Variants in LDLRAD4 observed in about 807,000 individuals in gnomAD.
The protein encoded by LDLRAD4 is low density lipoprotein receptor class A domain containing 4.
Under a neutral mutation model 17.0 loss-of-function variants are expected in LDLRAD4, and 5 were observed. That is an observed-to-expected ratio of 0.29 (90% CI 0.15 to 0.62). LDLRAD4 has a LOEUF of 0.62. Among genes scored for constraint, LDLRAD4 ranks in the 20% least tolerant of loss-of-function variants. LDLRAD4 has a pLI of 0.84. For missense variants in LDLRAD4, 340 were observed against 424.7 expected, an observed-to-expected ratio of 0.80 and a Z score of 1.75; for synonymous variants, 168 against 171.8, an observed-to-expected ratio of 0.98 and a Z score of 0.17.
chr18:13,232,618 A>G (rs2042136423), intron 1 of LDLRAD4, among the ~76,000 whole-genome samples: 1 of 151,702 alleles, frequency 6.6e-6, no homozygotes, highest in Non-Finnish European at 1.5e-5. Context: ...GTGCTGCCGC[A>G]TCCCTTCCCC....
intron 1 of LDLRAD4, among the ~76,000 whole-genome samples, chr18:13,267,248 A>G (rs934495715): frequency 3.9e-5 from 6 of 152,230 alleles, no homozygotes; most frequent in Non-Finnish European, 7.3e-5. Context: ...CTTAAAAATT[A>G]TCAAAGTAAT....
intron 3 of LDLRAD4, among the ~76,000 whole-genome samples, chr18:13,610,301 T>TC (rs2039407386): frequency 1.5e-5 from 1 of 64,630 alleles, no homozygotes; most frequent in Non-Finnish European, 3.0e-5. Context: ...TTTTTTTTTT[T>TC]TTTTGAGACG....
chr18:13,612,412 C>T, intron 3 of LDLRAD4: 2 of 1,231,210 alleles, frequency 1.6e-6, no homozygotes, highest in Non-Finnish European at 2.0e-6. Context: ...CCGCAGAGCT[C>T]CTGGTTTCTG....
intron 3 of LDLRAD4, among the ~76,000 whole-genome samples, chr18:13,442,626 C>T (rs978389381): frequency 5.9e-5 from 9 of 152,208 alleles, no homozygotes; most frequent in Admixed American, 6.5e-5. Flanking sequence ...CTGCGGGGAG[C>T]CTGAGGCTGG....
At chr18:13,616,424 G>T (rs1162280655) in intron 3 of LDLRAD4, among the ~76,000 whole-genome samples, 1 of 152,212 alleles carries the variant, frequency 6.6e-6, no homozygotes, top group African/African-American at 2.4e-5. Context: ...GGGAGGCTTT[G>T]TGGCCCTGAA....
chr18:13,438,171 A>T, intron 2 of LDLRAD4, 73 bp from the exon 4 acceptor site: 1 of 1,441,372 alleles, frequency 6.9e-7, no homozygotes, highest in Non-Finnish European at 9.7e-7. Flanking sequence ...GGAAAGAAAA[A>T]CCAACGACAG....
chr18:13,371,632 G>T (rs2084519422), intron 1 of LDLRAD4, among the ~76,000 whole-genome samples: 1 of 152,046 alleles, frequency 6.6e-6, no homozygotes, highest in Non-Finnish European at 1.5e-5. Context: ...GGGCATGGTG[G>T]TGTACACCTG....
intron 3 of LDLRAD4, among the ~76,000 whole-genome samples, chr18:13,465,878 C>A (rs1331970969): frequency 1.3e-5 from 2 of 152,104 alleles, no homozygotes; most frequent in East Asian, 3.8e-4. Context: ...GAATCTCAGC[C>A]TCTTCATACT....
intron 4 of LDLRAD4, among the ~76,000 whole-genome samples, chr18:13,627,696 C>T (rs529114526): frequency 1.5e-4 from 23 of 152,312 alleles, no homozygotes; most frequent in African/African-American, 5.3e-4. Context: ...TCACTCGTGG[C>T]CACTGCTGTC....
At chr18:13,277,270 C>T (rs1567959377), upstream of LDLRAD4, among the ~76,000 whole-genome samples, 1 of 152,166 alleles carries the variant, frequency 6.6e-6, no homozygotes, top group African/African-American at 2.4e-5. Flanking sequence ...GTGGCTTAGT[C>T]CCCCTTGGAC....
At chr18:13,286,320 G>A (rs1202503020) in intron 1 of LDLRAD4, among the ~76,000 whole-genome samples, 1 of 152,238 alleles carries the variant, frequency 6.6e-6, no homozygotes, top group Non-Finnish European at 1.5e-5. Flanking sequence ...ACAGGAAGAC[G>A]AGAGCTAGAG....
chr18:13,640,988 T>G (rs2042501758), intron 4 of LDLRAD4, among the ~76,000 whole-genome samples: 1 of 152,192 alleles, frequency 6.6e-6, no homozygotes, highest in Admixed American at 6.5e-5. Context: ...ACGGGTGGAT[T>G]TGGGACTCTA....
chr18:13,394,930 G>A (rs1474595802), intron 2 of LDLRAD4, among the ~76,000 whole-genome samples: 1 of 152,232 alleles, frequency 6.6e-6, no homozygotes, highest in Non-Finnish European at 1.5e-5. Flanking sequence ...GTGGCCTCTT[G>A]TAGTTTCTTG....
intron 3 of LDLRAD4, among the ~76,000 whole-genome samples, chr18:13,618,296 C>T (rs1406703912): frequency 4.6e-5 from 7 of 152,332 alleles, no homozygotes; most frequent in East Asian, 1.9e-4. Flanking sequence ...CCTGGGCTTT[C>T]CCCCGGGACG....
intron 1 of LDLRAD4, among the ~76,000 whole-genome samples, chr18:13,229,124 G>C (rs539852953): frequency 6.6e-6 from 1 of 152,226 alleles, no homozygotes; most frequent in East Asian, 1.9e-4. Flanking sequence ...AGGAGGCAGC[G>C]TCCAGGCTGC....
At chr18:13,348,209 A>G (rs1487527004) in intron 1 of LDLRAD4, among the ~76,000 whole-genome samples, 1 of 152,064 alleles carries the variant, frequency 6.6e-6, no homozygotes, top group African/African-American at 2.4e-5. Context: ...GGTTTTACCT[A>G]CCTTTGGTCT....
chr18:13,262,950 G>A (rs1451656695), intron 1 of LDLRAD4, among the ~76,000 whole-genome samples: 1 of 118,086 alleles, frequency 8.5e-6, no homozygotes, highest in African/African-American at 3.3e-5. Flanking sequence ...CTGTGCGTGG[G>A]GGCTGAGTCC....
chr18:13,264,722 C>T (rs1419858858), intron 1 of LDLRAD4, among the ~76,000 whole-genome samples: 1 of 152,228 alleles, frequency 6.6e-6, no homozygotes, highest in African/African-American at 2.4e-5. Flanking sequence ...TCCCTTCTTC[C>T]AGGATTCTGA....
intron 1 of LDLRAD4, among the ~76,000 whole-genome samples, chr18:13,238,275 G>A (rs767750666): frequency 3.3e-5 from 5 of 152,192 alleles, no homozygotes; most frequent in Non-Finnish European, 5.9e-5. Flanking sequence ...GTGGTTTATT[G>A]TAAAACGAGA....
Sources: allele counts gnomAD v4.1 joint callset (sites outside exome capture counted in the v4.1 genomes callset), GRCh38; gene constraint gnomAD v4.1.1; transcripts MANE v1.5; gene names NCBI Gene and HGNC (gene_info 2026-07-23, HGNC 2026-07-21).